The following DLGAP2 variants were observed in gnomAD, a reference collection of about 807,000 sequenced individuals.
The protein encoded by DLGAP2 is DLG associated protein 2.
DLGAP2 carries 26 observed loss-of-function variants against 100.3 expected under a neutral mutation model. The ratio of observed to expected loss-of-function variants is 0.26; its 90% CI spans 0.19 to 0.36. The LOEUF (loss-of-function observed/expected upper bound fraction) is 0.36. Among genes scored for constraint, DLGAP2 ranks in the 10% least tolerant of loss-of-function variants. DLGAP2 has a pLI of 1.00. For synonymous variants in DLGAP2, 886 were observed against 630.1 expected (o/e 1.41, Z -6.08); for missense variants, 1,858 against 1,453.2 (o/e 1.28, Z -4.53).
intron 2 of DLGAP2, among the ~76,000 whole-genome samples, chr8:1,069,414 A>T (rs1037738028): frequency 6.6e-6 from 1 of 152,038 alleles, no homozygotes; most frequent in African/African-American, 2.4e-5. Flanking sequence ...TCCTCCGCAC[A>T]CTCCTGTCCT....
At chr8:738,325 C>T (rs1275047916) in intron 1 of DLGAP2, among the ~76,000 whole-genome samples, 1 of 148,702 alleles carries the variant, frequency 6.7e-6, no homozygotes, top group African/African-American at 2.5e-5. Flanking sequence ...GGCTGGGCTG[C>T]GCGCACGGGG....
At chr8:1,406,611 A>G (rs1796570119) in intron 3 of DLGAP2, among the ~76,000 whole-genome samples, 1 of 37,744 alleles carries the variant, frequency 2.6e-5, no homozygotes, top group Non-Finnish European at 4.5e-5. Flanking sequence ...AGAGTCGTGT[A>G]TTGAGTGCTT....
At chr8:749,224 C>T (rs1217489858) in intron 1 of DLGAP2, among the ~76,000 whole-genome samples, 1 of 152,200 alleles carries the variant, frequency 6.6e-6, no homozygotes, top group Non-Finnish European at 1.5e-5. Flanking sequence ...CTCTTGGGTT[C>T]AAGCAGTCCC....
intron 3 of DLGAP2, among the ~76,000 whole-genome samples, chr8:1,452,226 T>A (rs1188292404): frequency 2.0e-5 from 3 of 152,112 alleles, no homozygotes; most frequent in Non-Finnish European, 4.4e-5. Flanking sequence ...TGTGGCTGGG[T>A]GTTCTGTGGC....
rs1042000816 is a variant in DLGAP2 at position 1,706,906 on chromosome 8, G to C, written c.*5500G>C. The C allele has an allele frequency of 2.0e-5, 3 of 152,202 alleles. No homozygotes were observed. Among genetic ancestry groups the C allele is most frequent in the Admixed American group, 6.5e-5 (1 of 15,280 alleles). 9.4% of individuals were successfully genotyped at this position (152,202 alleles called of 1,614,324 possible). A position where few individuals can be genotyped will look rare whatever the true frequency, so the allele number is the denominator to read the frequency against. ...GAGGTGGTCCGTGGGAAAGCTCCGG[G>C]AAACAGCCGTCTTTCATCCTTGCCA... On this transcript the variant is annotated 3_prime_UTR_variant, in exon 15 of 15. Coordinates refer to ENST00000637795, the MANE Select transcript of DLGAP2 (RefSeq NM_001346810.2).
At chr8:1,650,675 G>A (rs7004761) in intron 8 of DLGAP2, among the ~76,000 whole-genome samples, 18,226 of 152,070 alleles carry the variant, frequency 0.12, 1,489 homozygotes, top group African/African-American at 0.24. Flanking sequence ...TTGGGTGACA[G>A]TTGCTGGAGC....
intron 12 of DLGAP2, among the ~76,000 whole-genome samples, chr8:1,689,628 C>T (rs1430516402): frequency 2.0e-5 from 3 of 151,716 alleles, no homozygotes; most frequent in Non-Finnish European, 4.4e-5. Context: ...TCTGCAGAGA[C>T]TCTCCAGGGA....
chr8:1,038,893 C>G (rs917903223), intron 2 of DLGAP2, among the ~76,000 whole-genome samples: 1 of 152,160 alleles, frequency 6.6e-6, no homozygotes, highest in South Asian at 2.1e-4. Flanking sequence ...ATTACATCAA[C>G]TATTTGTCAG....
chr8:911,951 A>C (rs1045735947), intron 2 of DLGAP2, among the ~76,000 whole-genome samples: 3 of 152,232 alleles, frequency 2.0e-5, no homozygotes, highest in African/African-American at 7.2e-5. Context: ...CCTTCACTTC[A>C]GAATTGCAAT....
At chr8:1,416,540 G>A (rs1386368679) in intron 3 of DLGAP2, among the ~76,000 whole-genome samples, 1 of 152,160 alleles carries the variant, frequency 6.6e-6, no homozygotes, top group Non-Finnish European at 1.5e-5. Context: ...TGAACCACCC[G>A]AGGCCTGAAC....
intron 2 of DLGAP2, among the ~76,000 whole-genome samples, chr8:1,227,532 C>T (rs1349676348): frequency 2.7e-5 from 4 of 150,500 alleles, no homozygotes; most frequent in African/African-American, 7.4e-5. Flanking sequence ...TCTGCTCTGT[C>T]GCCCAGACTG....
At chr8:1,283,259 G>A (rs1303432732) in intron 3 of DLGAP2, among the ~76,000 whole-genome samples, 1 of 144,084 alleles carries the variant, frequency 6.9e-6, no homozygotes, top group Admixed American at 6.9e-5. Context: ...TCTGAACCCA[G>A]CGCCCTGAAC....
intron 2 of DLGAP2, among the ~76,000 whole-genome samples, chr8:1,257,130 G>A (rs560464324): frequency 2.0e-5 from 3 of 152,188 alleles, no homozygotes; most frequent in South Asian, 4.2e-4. Flanking sequence ...CCCCGAAGTC[G>A]GGAGAGCTCA....
chr8:1,204,945 G>C (rs1349249020), intron 2 of DLGAP2, among the ~76,000 whole-genome samples: 1 of 152,144 alleles, frequency 6.6e-6, no homozygotes, highest in East Asian at 1.9e-4. Flanking sequence ...GATGAAAATG[G>C]TCCTCCAGCA....
At chr8:805,798 A>C (rs1448285562) in intron 1 of DLGAP2, among the ~76,000 whole-genome samples, 1 of 152,194 alleles carries the variant, frequency 6.6e-6, no homozygotes, top group Non-Finnish European at 1.5e-5. Context: ...CGCAGGGATT[A>C]CATGCGTGAG....
chr8:819,699 A>T (rs1796549979), intron 1 of DLGAP2, among the ~76,000 whole-genome samples: 1 of 152,228 alleles, frequency 6.6e-6, no homozygotes, highest in Non-Finnish European at 1.5e-5. Context: ...AGAAAGAATA[A>T]GCCTCACAAA....
chr8:807,987 A>C (rs1796300389), intron 1 of DLGAP2, among the ~76,000 whole-genome samples: 1 of 152,208 alleles, frequency 6.6e-6, no homozygotes, highest in Non-Finnish European at 1.5e-5. Flanking sequence ...AAGTCATGCT[A>C]CTAAGCAATT....
chr8:1,495,715 G>A (rs1245868510), intron 3 of DLGAP2, among the ~76,000 whole-genome samples: 4 of 151,516 alleles, frequency 2.6e-5, no homozygotes, highest in Non-Finnish European at 4.4e-5. Flanking sequence ...TCATCGTCTC[G>A]CAGGCAGCTC....
At chr8:1,296,731 T>C (rs781083992) in intron 3 of DLGAP2, among the ~76,000 whole-genome samples, 15 of 152,324 alleles carry the variant, frequency 9.8e-5, no homozygotes, top group Non-Finnish European at 2.1e-4. Context: ...AAAGGCTCTT[T>C]GGGTTCGCTT....
Sources: allele counts gnomAD v4.1 joint callset (sites outside exome capture counted in the v4.1 genomes callset), GRCh38; gene constraint gnomAD v4.1.1; transcripts MANE v1.5; gene names NCBI Gene and HGNC (gene_info 2026-07-23, HGNC 2026-07-21).